GALNT13: variants seen among roughly 807,000 people sequenced by gnomAD.
GALNT13 encodes the protein UDP-GalNAc:polypeptide N-acetylgalactosaminyltransferase 13.
In GALNT13, 28 loss-of-function variants were observed where a neutral mutation model predicts 64.2. That is an observed-to-expected ratio of 0.44 (90% CI 0.32 to 0.60). The LOEUF (loss-of-function observed/expected upper bound fraction) is 0.60. Ranked by LOEUF, GALNT13 falls within the 20% of genes least tolerant of loss-of-function variation. The pLI is 0.05. For missense variants in GALNT13, 577 were observed against 669.8 expected (o/e 0.86, Z 1.53); for synonymous variants, 214 against 224.6 (o/e 0.95, Z 0.42).
chr2:153,879,239 C>A (rs982279674), intron 1 of GALNT13, among the ~76,000 whole-genome samples: 1 of 152,028 alleles, frequency 6.6e-6, no homozygotes, highest in Non-Finnish European at 1.5e-5. Flanking sequence ...TATTAGTATT[C>A]TTATTTTAGA....
intron 7 of GALNT13, among the ~76,000 whole-genome samples, chr2:154,254,328 T>C (rs895901676): frequency 1.3e-5 from 2 of 152,170 alleles, no homozygotes; most frequent in African/African-American, 4.8e-5. Context: ...AGATTACTGA[T>C]GCCAGGATAA....
the GALNT13 span, among the ~76,000 whole-genome samples, chr2:153,782,070 C>G: frequency 2.0e-5 from 3 of 152,094 alleles, no homozygotes; most frequent in African/African-American, 4.8e-5. Context: ...TCCCACCACC[C>G]CCTAAATTCA....
At position 154,292,891 on chromosome 2, in the gene GALNT13, A is replaced by G. The variant is rs147300526; in HGVS notation, c.976-8518A>G. On this transcript the variant is annotated intron_variant, in intron 8 of 12. Transcript: ENST00000392825. ...ATGAACTTTAATTAAAATGTCACTG[A>G]TGTGGGTGCCAAAAATCATGAAAAG... Among the ~76,000 whole-genome samples the G allele has an allele frequency of 4.1e-3, 624 of 152,294 alleles. 3 individuals carry two copies. The highest frequency in any genetic ancestry group is 7.0e-3 in the Non-Finnish European group (479 of 68,014).
chr2:153,212,369 A>T, the GALNT13 span, among the ~76,000 whole-genome samples: 1 of 152,194 alleles, frequency 6.6e-6, no homozygotes, highest in African/African-American at 2.4e-5. Context: ...TTCTTTAATT[A>T]TTCTACATTG....
At chr2:153,689,070 A>ATATGTGTG in the GALNT13 span, among the ~76,000 whole-genome samples, 1 of 127,744 alleles carries the variant, frequency 7.8e-6, no homozygotes, top group Non-Finnish European at 1.6e-5. Flanking sequence ...CCGCGTGTGT[A>ATATGTGTG]TGTGTGTGTG....
chr2:153,580,893 T>C, the GALNT13 span, among the ~76,000 whole-genome samples: 2 of 152,176 alleles, frequency 1.3e-5, no homozygotes, highest in African/African-American at 4.8e-5. Flanking sequence ...ATTTCAATTA[T>C]CTTTTCCCCT....
the GALNT13 span, among the ~76,000 whole-genome samples, chr2:153,588,930 G>T: frequency 6.6e-6 from 1 of 152,126 alleles, no homozygotes; most frequent in Non-Finnish European, 1.5e-5. Context: ...ACTTTGGGAG[G>T]CCAAGGCAGG....
chr2:153,872,550 G>C (rs1261204835), intron 1 of GALNT13, among the ~76,000 whole-genome samples: 3 of 150,884 alleles, frequency 2.0e-5, no homozygotes, highest in Admixed American at 2.0e-4. Flanking sequence ...GGACCGCGTG[G>C]CGCGGAACTT....
the GALNT13 span, among the ~76,000 whole-genome samples, chr2:153,091,329 T>G: frequency 8.6e-4 from 131 of 152,194 alleles, 2 homozygotes; most frequent in East Asian, 0.022. Flanking sequence ...ACTTTTATAT[T>G]TATCATGACT....
At chr2:153,516,057 AT>A in the GALNT13 span, among the ~76,000 whole-genome samples, 1 of 152,242 alleles carries the variant, frequency 6.6e-6, no homozygotes, top group Non-Finnish European at 1.5e-5. Flanking sequence ...AAGACCAGTT[AT>A]GAAACTGTTG....
At chr2:154,138,297 T>C (rs6435054) in intron 3 of GALNT13, among the ~76,000 whole-genome samples, 114,397 of 151,902 alleles carry the variant, frequency 0.75, 43,476 homozygotes, top group East Asian at 0.96. Flanking sequence ...GTATGCTCTT[T>C]TCCTATTAAT....
At chr2:153,992,647 G>T (rs1449437664) in intron 3 of GALNT13, among the ~76,000 whole-genome samples, 2 of 152,064 alleles carry the variant, frequency 1.3e-5, no homozygotes, top group African/African-American at 2.4e-5. Context: ...TGGAATAAGT[G>T]TATCCCCTTC....
chr2:154,423,104 G>T (rs985358065), intron 11 of GALNT13, among the ~76,000 whole-genome samples: 1 of 132,704 alleles, frequency 7.5e-6, no homozygotes, highest in Non-Finnish European at 1.5e-5. Flanking sequence ...GATGTTCCCT[G>T]CCCTGTGTCC....
chr2:153,235,043 C>A, the GALNT13 span, among the ~76,000 whole-genome samples: 1 of 152,080 alleles, frequency 6.6e-6, no homozygotes, highest in Non-Finnish European at 1.5e-5. Flanking sequence ...ATGTTACTGT[C>A]ATAATTGCTT....
At chr2:154,431,198 A>G (rs1212529496) in intron 11 of GALNT13, among the ~76,000 whole-genome samples, 1 of 152,212 alleles carries the variant, frequency 6.6e-6, no homozygotes, top group Admixed American at 6.5e-5. Flanking sequence ...TAAAGCAAGT[A>G]AAGGGCATTT....
intron 3 of GALNT13, among the ~76,000 whole-genome samples, chr2:153,968,843 ATCT>A (rs886153393): frequency 9.2e-5 from 14 of 152,298 alleles, no homozygotes; most frequent in South Asian, 4.1e-4. Context: ...AAGGCTATTG[ATCT>A]TCTTATCTCA....
chr2:153,738,241 GT>G, the GALNT13 span, among the ~76,000 whole-genome samples: 2 of 151,822 alleles, frequency 1.3e-5, no homozygotes, highest in South Asian at 4.1e-4. Context: ...TACAGTTTCT[GT>G]TTTTATTCTT....
chr2:154,176,202 G>A (rs1014612009), intron 4 of GALNT13, among the ~76,000 whole-genome samples: 13 of 151,630 alleles, frequency 8.6e-5, no homozygotes, highest in Admixed American at 2.6e-4. Flanking sequence ...TCAGCATGAT[G>A]CAGAGTATGT....
the GALNT13 span, among the ~76,000 whole-genome samples, chr2:153,620,561 T>C: frequency 6.6e-6 from 1 of 152,070 alleles, no homozygotes; most frequent in Non-Finnish European, 1.5e-5. Flanking sequence ...CTCCGAGGCA[T>C]TCTTCAGTTT....
Sources: allele counts gnomAD v4.1 joint callset (sites outside exome capture counted in the v4.1 genomes callset), GRCh38; gene constraint gnomAD v4.1.1; transcripts MANE v1.5; gene names NCBI Gene and HGNC (gene_info 2026-07-23, HGNC 2026-07-21).